Variants in GLIS1 observed in about 807,000 individuals in gnomAD.
GLIS1 encodes the protein zinc finger protein GLIS1.
In GLIS1, 24 loss-of-function variants were observed where a neutral mutation model predicts 63.8. The observed-to-expected ratio is 0.38, with a 90% CI of 0.27 to 0.53. The LOEUF is 0.53. Among genes scored for constraint, GLIS1 ranks in the 20% least tolerant of loss-of-function variants. GLIS1 has a pLI of 0.85. For missense variants in GLIS1, 1,036 were observed against 1,074.1 expected, an observed-to-expected ratio of 0.96 and a Z score of 0.50; for synonymous variants, 450 against 482.5, an observed-to-expected ratio of 0.93 and a Z score of 0.88.
intron 4 of GLIS1, among the ~76,000 whole-genome samples, chr1:53,548,467 ACT>A (rs1644727334): frequency 6.6e-6 from 1 of 151,952 alleles, no homozygotes; most frequent in Admixed American, 6.6e-5. Flanking sequence ...CACAACCTCG[ACT>A]CATCCCGTGA....
At chr1:53,732,569 C>A (rs1570117264) in intron 2 of GLIS1, among the ~76,000 whole-genome samples, 2 of 151,788 alleles carry the variant, frequency 1.3e-5, no homozygotes, top group Non-Finnish European at 2.9e-5. Flanking sequence ...ACAGTGAAGG[C>A]GAGCAGCACA....
At chr1:53,569,654 A>G (rs1358593879) in intron 4 of GLIS1, among the ~76,000 whole-genome samples, 1 of 152,170 alleles carries the variant, frequency 6.6e-6, no homozygotes, top group Non-Finnish European at 1.5e-5. Flanking sequence ...AAGGAATAAA[A>G]TGTTCTTTAT....
intron 2 of GLIS1, chr1:53,734,331 C>G (rs1476279105): frequency 4.5e-5 from 15 of 335,630 alleles, no homozygotes; most frequent in Non-Finnish European, 6.4e-5. Context: ...GGCATAGATA[C>G]TAGTTACCAA....
At chr1:53,554,638 C>A (rs79041677) in intron 4 of GLIS1, among the ~76,000 whole-genome samples, 1,626 of 152,198 alleles carry the variant, frequency 0.011, 16 homozygotes, top group South Asian at 0.018. Context: ...TATTGCCCCC[C>A]CAGGGCAACA....
intron 4 of GLIS1, 33 bp downstream of exon 4, chr1:53,594,075 T>C (rs1490956435): frequency 1.3e-6 from 2 of 1,577,334 alleles, no homozygotes; most frequent in Admixed American, 3.4e-5. Context: ...CCAGAGGGGC[T>C]GGGGTGAGGC....
chr1:53,558,640 A>G (rs1298301184), intron 4 of GLIS1, among the ~76,000 whole-genome samples: 6 of 152,146 alleles, frequency 3.9e-5, no homozygotes, highest in Admixed American at 3.9e-4. Context: ...GGGTGTCCCA[A>G]GGTCAAGCAG....
In GLIS1 at chr1:53,509,932, C is replaced by T. The variant is rs796686704; in HGVS notation, c.1979G>A (p.Gly660Asp). 15 of 1,304,078 alleles carry T rather than the reference C, an allele frequency of 1.2e-5. No individual in the cohort carries two copies. Among genetic ancestry groups the T allele is most frequent in the African/African-American group, 7.5e-5 (5 of 66,388 alleles). 80.8% of individuals were successfully genotyped at this position (1,304,078 alleles called of 1,614,324 possible). The change falls in exon 9 of 11, where the codon GGC becomes GAC. Residue 660 changes from glycine (G) to aspartate (D), a missense_variant. Gly to Asp is a moderately conservative substitution (Grantham distance 94). This residue lies in a region of GLIS1 where 400 missense variants were observed against 400.9 expected (regional missense o/e 1.00). Coordinates refer to ENST00000628545, the MANE Select transcript of GLIS1 (RefSeq NM_001367484.1). ...PPSSQSHSPG[G>D]QPFPTLPSKP... ...GCTGGGGAGTGTGGGGAAGGGCTGG[C>T]CCCCCGGAGAATGGCTCTGAGAGGA...
Position 53,520,707 on chromosome 1 carries a change from C to G in GLIS1, c.1653G>C (p.Gln551His), listed in dbSNP as rs758807766. 6.2e-7 allele frequency: 1 copy of G among 1,606,818 alleles called. No homozygotes were observed. The highest frequency in any genetic ancestry group is 8.5e-7 in the Non-Finnish European group (1 of 1,177,438). Reference protein sequence around the residue: ...DVLTECLVLQQLHTSTQLAAS... With the variant: ...DVLTECLVLQHLHTSTQLAAS... ...CAGCCAGCTGTGTGGACGTGTGGAG[C>G]TGCTGCAGGACCAGACACTCGGTCA... The change falls in exon 7 of 11, where the codon CAG becomes CAC. Residue 551 changes from glutamine to histidine, a missense_variant. Transcript: ENST00000628545.
intron 2 of GLIS1, among the ~76,000 whole-genome samples, chr1:53,676,066 G>A (rs1646208501): frequency 6.6e-6 from 1 of 151,998 alleles, no homozygotes; most frequent in Non-Finnish European, 1.5e-5. Context: ...TCGTAGACTT[G>A]GTTCACAATT....
rs142254031 is a variant in GLIS1 at position 53,529,924 on chromosome 1, C to T, written c.1349G>A (p.Arg450Gln). Residue 450 changes from arginine to glutamine, a missense_variant, in exon 5 of 11, where the codon CGG (arginine) becomes CAG (glutamine). Arg to Gln is a conservative substitution (Grantham distance 43, BLOSUM62 1). Coordinates refer to ENST00000628545, the MANE Select transcript of GLIS1 (RefSeq NM_001367484.1). ...MFEGCSKAFSRLENLKIHLRS... is the reference protein window; with the variant it reads ...MFEGCSKAFSQLENLKIHLRS... Reference sequence around the variant, plus strand: ...CAGGTGGATCTTGAGGTTCTCCAGCCGTGAGAAGGCCTTGCTGCAGCCTTC... The same window carrying T: ...CAGGTGGATCTTGAGGTTCTCCAGCTGTGAGAAGGCCTTGCTGCAGCCTTC... 20 of 1,613,582 alleles carry T rather than the reference C, an allele frequency of 1.2e-5. No individual in the cohort carries two copies. The highest frequency in any genetic ancestry group is 1.6e-5 in the Non-Finnish European group (19 of 1,179,892).
intron 2 of GLIS1, among the ~76,000 whole-genome samples, chr1:53,706,308 T>C (rs55786134): frequency 0.25 from 38,224 of 152,124 alleles, 5,168 homozygotes; most frequent in African/African-American, 0.35. Context: ...GCTGTTAGGC[T>C]GACGGGCTGG....
intron 2 of GLIS1, among the ~76,000 whole-genome samples, chr1:53,694,327 T>C (rs933667801): frequency 6.6e-6 from 1 of 151,924 alleles, no homozygotes; most frequent in African/African-American, 2.4e-5. Flanking sequence ...CAGAACGCGG[T>C]TGTTCTCTTC....
chr1:53,682,358 C>T lies in GLIS1; in HGVS notation c.259+55448G>A, dbSNP rs150582794. On this transcript the variant is annotated intron_variant, in intron 2 of 10. Coordinates refer to ENST00000628545, the MANE Select transcript of GLIS1 (RefSeq NM_001367484.1). ...AAAGGTGCATCAGGCACAGTCCCTG[C>T]ATCCCTGCATCCCCGCGAGGAGCTC... Among the ~76,000 whole-genome samples the T allele has an allele frequency of 4.2e-4, 64 of 152,400 alleles. No individual in the cohort carries two copies. The East Asian group carries it at 0.012, about 29-fold the overall frequency.
chr1:53,527,722 G>A (rs495835), intron 5 of GLIS1, among the ~76,000 whole-genome samples: 23,066 of 152,260 alleles, frequency 0.15, 3,648 homozygotes, highest in East Asian at 0.5. Context: ...GGCAGGTGCT[G>A]GGACAGCAAA....
Position 53,737,827 on chromosome 1 carries a change from T to C in GLIS1, c.238A>G (p.Lys80Glu). The change falls in exon 2 of 11, where the codon AAG becomes GAG. Residue 80 changes from lysine to glutamate, a missense_variant. Physicochemically the swap from Lys to Glu is moderately conservative, Grantham distance 56. Coordinates refer to ENST00000628545, the MANE Select transcript of GLIS1 (RefSeq NM_001367484.1). ...PRSPRDYGPS[K>E]AAAAGKVNGS... is the part of the protein sequence containing the mutation. ...TCACCCTTCCCGGCGGCGGCGGCCT[T>C]GGATGGACCGTAGTCTCGGGGACTG... 2 of 1,231,018 alleles carry C rather than the reference T, an allele frequency of 1.6e-6. No homozygotes were observed. The highest frequency in any genetic ancestry group is 1.0e-6 in the Non-Finnish European group (1 of 987,480). 76.3% of individuals were successfully genotyped at this position (1,231,018 alleles called of 1,614,324 possible). A position where few individuals can be genotyped will look rare whatever the true frequency, so the allele number is the denominator to read the frequency against.
At position 53,594,688 on chromosome 1, in the gene GLIS1, G is replaced by C. The variant is rs930487365; in HGVS notation, c.740C>G (p.Pro247Arg). ...LKRCCVLGLP[P>R]TSPASSSPCA... ...GGGTGAGGAGGAGGCTGGGGAGGTG[G>C]GGGGTAGGCCCAAGACGCAGCACCG... The change falls in exon 4 of 11, where the codon CCC becomes CGC. Residue 247 changes from proline to arginine, a missense_variant. Pro to Arg is a moderately radical substitution (Grantham distance 103, BLOSUM62 -2). Around this residue, in one of 3 missense-constraint regions of GLIS1, gnomAD observed 592 missense variants for 593.9 expected, o/e 1.00. Transcript: ENST00000628545. The C allele has an allele frequency of 2.6e-6, 4 of 1,551,168 alleles. No individual in the cohort carries two copies. The highest frequency in any genetic ancestry group is 1.4e-5 in the African/African-American group (1 of 73,364).
chr1:53,725,457 C>T (rs1626444), intron 2 of GLIS1, among the ~76,000 whole-genome samples: 150,801 of 152,294 alleles, frequency 0.99, 74,678 homozygotes, highest in Middle Eastern at 1. Context: ...CTGGGTGAGA[C>T]TGTCTGAGGT....
At chr1:53,679,176 T>A (rs1646247983) in intron 2 of GLIS1, among the ~76,000 whole-genome samples, 1 of 151,650 alleles carries the variant, frequency 6.6e-6, no homozygotes, top group African/African-American at 2.4e-5. Context: ...GGACCTCTGA[T>A]GGGAGGGGGA....
At chr1:53,515,816 TAAAAAAAAAAAAAA>T (rs58953406) in intron 7 of GLIS1, among the ~76,000 whole-genome samples, 1 of 69,136 alleles carries the variant, frequency 1.4e-5, no homozygotes, top group Non-Finnish European at 2.8e-5. Context: ...CTATTTTATC[TAAAAAAAAAAAAAA>T]AAAAAAAAAA....
Sources: gnomAD v4.1 joint callset for allele counts (sites outside exome capture counted in the v4.1 genomes callset) on GRCh38, gnomAD v4.1.1 for gene constraint, gnomAD v4.1.1 regional missense constraint, MANE v1.5 for transcripts, NCBI Gene and HGNC (gene_info 2026-07-23, HGNC 2026-07-21) for gene names.